The following FLG variants were observed in gnomAD, a reference collection of about 807,000 sequenced individuals.
FLG encodes filaggrin, also known as epidermal filaggrin.
Under a neutral mutation model 3.8 loss-of-function variants are expected in FLG, and 6 were observed. The observed-to-expected ratio is 1.60, with a 90% CI of 0.87 to 3.15. The LOEUF (loss-of-function observed/expected upper bound fraction) is 3.15, where lower values mean the gene tolerates loss of function less well. Among genes scored for constraint, FLG ranks in the 30% most tolerant of loss-of-function variants. The pLI is 0.00. For missense variants in FLG, 7,595 were observed against 5,050.9 expected (o/e 1.50, Z -15.27); for synonymous variants, 2,551 against 1,931.6 (o/e 1.32, Z -8.41).
At position 152,307,166 on chromosome 1, in the gene FLG, G is replaced by C. The variant is rs149024902; in HGVS notation, c.7720C>G (p.Gln2574Glu). The change falls in exon 3 of 3, where the codon CAG becomes GAG. Residue 2574 changes from glutamine to glutamate, a missense_variant. Physicochemically the swap from Gln to Glu is conservative, Grantham distance 29. Transcript: ENST00000368799. ...CTCTCAGAGTCTTCTGAGTGTCCCTGACTGTCACTGTCCTGGCTAAAACTG... is the reference window on the plus strand; with the variant it reads ...CTCTCAGAGTCTTCTGAGTGTCCCTCACTGTCACTGTCCTGGCTAAAACTG... ...GSSFSQDSDS[Q>E]GHSEDSERWS... 0.022 allele frequency: 36,018 copies of C among 1,611,088 alleles called. 601 individuals are homozygous for C. Among genetic ancestry groups the C allele is most frequent in the Non-Finnish European group, 0.025 (29,421 of 1,179,566 alleles).
rs770970441 is a variant in FLG at position 152,305,992 on chromosome 1, G to T, written c.8894C>A (p.Ser2965Ter). The T allele has an allele frequency of 3.2e-6, 5 of 1,576,560 alleles. No individual in the cohort carries two copies. Among genetic ancestry groups the T allele is most frequent in the Non-Finnish European group, 4.3e-6 (5 of 1,168,028 alleles). Residue 2965 changes from serine (S) to a stop codon, truncating the protein, a stop_gained, in exon 3 of 3, where the codon TCA (serine) becomes TAA (stop). Transcript: ENST00000368799. LOFTEE classifies it low-confidence loss of function (END_TRUNC). ...ACTTGATCTTGCCTGTTCATGGGAT[G>T]ATGCAGCCTGTCCACCAGAGGAAGT... ...TQTSSGGQAA[S>*]SHEQARSSAG...
intron 1 of FLG, among the ~76,000 whole-genome samples, chr1:152,323,660 G>A (rs1393125754): frequency 1.3e-5 from 2 of 151,062 alleles, no homozygotes; most frequent in Admixed American, 1.3e-4. Flanking sequence ...ATATTGGTGA[G>A]AATGTGGAGA....
chr1:152,312,498 C>G lies in FLG; in HGVS notation c.2388G>C (p.Gln796His), dbSNP rs760527887. The change falls in exon 3 of 3, where the codon CAG becomes CAC. Residue 796 changes from glutamine (Q) to histidine (H), a missense_variant. Physicochemically the swap from Gln to His is conservative, Grantham distance 24. Coordinates refer to ENST00000368799, the MANE Select transcript of FLG (RefSeq NM_002016.2). ...RSRRSGSFLY[Q>H]VSTHKQSESS... Reference sequence around the variant, plus strand: ...ACTCAGACTGTTTATGAGTGCTCACCTGGTAGAGGAAAGACCCTGAACGTC... The same window carrying G: ...ACTCAGACTGTTTATGAGTGCTCACGTGGTAGAGGAAAGACCCTGAACGTC... The G allele has an allele frequency of 8.1e-6, 13 of 1,613,424 alleles. No individual in the cohort carries two copies. Among genetic ancestry groups the G allele is most frequent in the Non-Finnish European group, 1.1e-5 (13 of 1,179,656 alleles).
chr1:152,318,535 G>A (rs987470075), intron 1 of FLG, among the ~76,000 whole-genome samples: 3 of 151,690 alleles, frequency 2.0e-5, no homozygotes, highest in Admixed American at 2.0e-4. Context: ...CAAAAGGTTG[G>A]AAATATCTGT....
chr1:152,323,487 G>T (rs1358006440), intron 1 of FLG, among the ~76,000 whole-genome samples: 1 of 151,450 alleles, frequency 6.6e-6, no homozygotes, highest in Non-Finnish European at 1.5e-5. Flanking sequence ...AATACCTTAG[G>T]AACGTTACAG....
chr1:152,307,946 G>A lies in FLG; in HGVS notation c.6940C>T (p.Gln2314Ter), dbSNP rs762689918. 10 of 1,613,988 alleles carry A rather than the reference G, an allele frequency of 6.2e-6. No homozygotes were observed. In the South Asian group the frequency reaches 9.9e-5, roughly 16 times the overall value. Residue 2314 changes from glutamine (Q) to a stop codon, truncating the protein, a stop_gained, in exon 3 of 3, where the codon CAG becomes TAG. Transcript: ENST00000368799. LOFTEE classifies it low-confidence loss of function (END_TRUNC). ...THHAENSSGGQAASSHEQARS... is the reference protein window; with the variant it reads ...THHAENSSGG ...GCCTGTTCATGGGATGATGCAGCCTGTCCACCAGAGGAATTCTCTGCATGA... is the reference window on the plus strand; with the variant it reads ...GCCTGTTCATGGGATGATGCAGCCTATCCACCAGAGGAATTCTCTGCATGA...
chr1:152,308,952 G>A lies in FLG; in HGVS notation c.5934C>T (p.Gly1978=). The A allele has an allele frequency of 1.2e-6, 2 of 1,614,188 alleles. No individual in the cohort carries two copies. Among genetic ancestry groups the A allele is most frequent in the East Asian group, 2.2e-5 (1 of 44,884 alleles). Reference sequence around the variant, plus strand: ...GAGAGGAAGACTCTGTGTGACGAGTGCCTGATTGTCTGGAGCTGTCTGCAG... The same window carrying A: ...GAGAGGAAGACTCTGTGTGACGAGTACCTGATTGTCTGGAGCTGTCTGCAG... ...GHSADSSRQS[G]TRHTESSSRG... is the part of the protein sequence containing the mutation. Residue 1978 remains glycine, a synonymous_variant, in exon 3 of 3, where the codon GGC becomes GGT. Coordinates refer to ENST00000368799, the MANE Select transcript of FLG (RefSeq NM_002016.2).
Position 152,307,727 on chromosome 1 carries a change from C to G in FLG, c.7159G>C (p.Gly2387Arg), listed in dbSNP as rs775764952. The stretch of plus-strand genomic sequence containing the variant: ...CTCTGCTGATGGGGCCCAGCCTGTC[C>G]GTGGGCTGACACTGACTGTGTGTCT... ...DSDTQSVSAH[G>R]QAGPHQQSHQ... The change falls in exon 3 of 3, where the codon GGA becomes CGA. Residue 2387 changes from glycine (G) to arginine (R), a missense_variant. Gly to Arg is a moderately radical substitution (Grantham distance 125, BLOSUM62 -2). Coordinates refer to ENST00000368799, the MANE Select transcript of FLG (RefSeq NM_002016.2). 6.2e-7 allele frequency: 1 copy of G among 1,613,276 alleles called. No individual in the cohort carries two copies. The highest frequency in any genetic ancestry group is 8.5e-7 in the Non-Finnish European group (1 of 1,179,868).
rs1009834087 is a variant in FLG, at chr1:152,302,520, C to T, written c.*180G>A. 11 of 734,974 alleles carry T rather than the reference C, an allele frequency of 1.5e-5. No homozygotes were observed. Among genetic ancestry groups the T allele is most frequent in the Admixed American group, 5.9e-5 (2 of 33,646 alleles). The allele number at this position is 734,974 out of a possible 1,614,324, so 45.5% of individuals were successfully genotyped here. ...TCCATTTAATATTTCTGAAATATAG[C>T]GTTTAAAGATCATTACACAATAAAA... On this transcript the variant is annotated 3_prime_UTR_variant, in exon 3 of 3. Coordinates refer to ENST00000368799, the MANE Select transcript of FLG (RefSeq NM_002016.2).
At chr1:152,323,820 G>T (rs760827911) in intron 1 of FLG, among the ~76,000 whole-genome samples, 2 of 151,506 alleles carry the variant, frequency 1.3e-5, no homozygotes, top group Non-Finnish European at 3.0e-5. Context: ...ACCAAAAGTA[G>T]TACACAAAAA....
Position 152,304,347 on chromosome 1 carries a change from C to T in FLG, c.10539G>A (p.Ala3513=), listed in dbSNP as rs531858654. ...WSHHHEASTQ[A]DSSRHSQSGQ... Reference sequence around the variant, plus strand: ...CGGACTGTGAGTGTCTAGAGCTGTCCGCCTGAGTGGAAGCTTCATGGTGAT... The same window carrying T: ...CGGACTGTGAGTGTCTAGAGCTGTCTGCCTGAGTGGAAGCTTCATGGTGAT... The change falls in exon 3 of 3, where the codon GCG becomes GCA. Residue 3513 remains alanine, a synonymous_variant. Transcript: ENST00000368799. 37 of 1,610,836 alleles carry T rather than the reference C, an allele frequency of 2.3e-5. 1 individual carries two copies. Among genetic ancestry groups the T allele is most frequent in the Non-Finnish European group, 2.7e-5 (32 of 1,178,686 alleles).
At position 152,304,669 on chromosome 1, in the gene FLG, C is replaced by A. The variant is rs1364746842; in HGVS notation, c.10217G>T (p.Ser3406Ile). ...GTGGGATCCTTGTCTTCGTCCAGTG[C>A]TGGTCCTGGTCCGCCCATGGGCAGA... Reference protein sequence around the residue: ...SESAHGRTRTSTGRRQGSHHE... With the variant: ...SESAHGRTRTITGRRQGSHHE... The change falls in exon 3 of 3, where the codon AGC becomes ATC. Residue 3406 changes from serine (S) to isoleucine (I), a missense_variant. Physicochemically the swap from Ser to Ile is moderately radical, Grantham distance 142 (BLOSUM62 -2). Coordinates refer to ENST00000368799, the MANE Select transcript of FLG (RefSeq NM_002016.2). 6.2e-7 allele frequency: 1 copy of A among 1,612,102 alleles called. No individual in the cohort carries two copies. The highest frequency in any genetic ancestry group is 8.5e-7 in the Non-Finnish European group (1 of 1,179,098).
chr1:152,308,912 A>T lies in FLG; in HGVS notation c.5974T>A (p.Ser1992Thr), dbSNP rs1652179399. Reference sequence around the variant, plus strand: ...CTTGATCTTGCCTGTTCATGGGATGACGCAGCCTGTCCACGAGAGGAAGAC... The same window carrying T: ...CTTGATCTTGCCTGTTCATGGGATGTCGCAGCCTGTCCACGAGAGGAAGAC... The part of the protein sequence containing the change: ...TESSSRGQAA[S>T]SHEQARSSAG... Residue 1992 changes from serine to threonine, a missense_variant, in exon 3 of 3, where the codon TCA becomes ACA. Coordinates refer to ENST00000368799, the MANE Select transcript of FLG (RefSeq NM_002016.2). 5 of 1,614,036 alleles carry T rather than the reference A, an allele frequency of 3.1e-6. No homozygotes were observed. The highest frequency in any genetic ancestry group is 2.7e-5 in the African/African-American group (2 of 75,022).
At position 152,309,297 on chromosome 1, in the gene FLG, A is replaced by C; in HGVS notation, c.5589T>G (p.Ser1863Arg). 1.2e-6 allele frequency: 2 copies of C among 1,613,742 alleles called. No individual in the cohort carries two copies. The highest frequency in any genetic ancestry group is 1.7e-6 in the Non-Finnish European group (2 of 1,179,978). ...TCTCATTACGTGTTTGTCTGCTGACACTTCTGGATCCTGACTGCCCACGGG... is the reference window on the plus strand; with the variant it reads ...TCTCATTACGTGTTTGTCTGCTGACCCTTCTGGATCCTGACTGCCCACGGG... ...DVSRGQSGSR[S>R]VSRQTRNEKQ... The change falls in exon 3 of 3, where the codon AGT becomes AGG. Residue 1863 changes from serine (S) to arginine (R), a missense_variant. By Grantham distance (110) the Ser-to-Arg change is moderately radical. Transcript: ENST00000368799.
Position 152,309,072 on chromosome 1 carries a change from A to G in FLG, c.5814T>C (p.Ala1938=), listed in dbSNP as rs750717434. Residue 1938 remains alanine, a synonymous_variant, in exon 3 of 3, where the codon GCT becomes GCC. Coordinates refer to ENST00000368799, the MANE Select transcript of FLG (RefSeq NM_002016.2). ...SEDSERWSGS[A]SRNHLGSAWE... Reference sequence around the variant, plus strand: ...AAGCAGATCCAAGATGGTTTCTGGAAGCAGACCCAGACCACCTCTCAGAGT... The same window carrying G: ...AAGCAGATCCAAGATGGTTTCTGGAGGCAGACCCAGACCACCTCTCAGAGT... The G allele has an allele frequency of 1.2e-6, 2 of 1,613,974 alleles. No homozygotes were observed. Among genetic ancestry groups the G allele is most frequent in the Non-Finnish European group, 1.7e-6 (2 of 1,179,998 alleles).
Position 152,307,081 on chromosome 1 carries a change from C to G in FLG, c.7805G>C (p.Gly2602Ala), listed in dbSNP as rs746906147. 5.0e-5 allele frequency: 81 copies of G among 1,609,792 alleles called. No individual in the cohort carries two copies. The highest frequency in any genetic ancestry group is 6.9e-5 in the Non-Finnish European group (81 of 1,179,570). Residue 2602 changes from glycine to alanine, a missense_variant, in exon 3 of 3, where the codon GGC (glycine) becomes GCC (alanine). Coordinates refer to ENST00000368799, the MANE Select transcript of FLG (RefSeq NM_002016.2). ...HGSAQEQLRDGSRHPRSHQED... is the reference protein window; with the variant it reads ...HGSAQEQLRDASRHPRSHQED... ...TTGATGGGACCTGGGGTGTCTGGAG[C>G]CATCTCTTAGCTGCTCCTGAGCAGA... is the stretch of plus-strand genomic sequence containing the variant.
Position 152,309,739 on chromosome 1 carries a change from C to A in FLG, c.5147G>T (p.Gly1716Val), listed in dbSNP as rs776208400. Residue 1716 changes from glycine (G) to valine (V), a missense_variant, in exon 3 of 3, where the codon GGT (glycine) becomes GTT (valine). By Grantham distance (109) the Gly-to-Val change is moderately radical (BLOSUM62 -3). Transcript: ENST00000368799. Reference protein sequence around the residue: ...VGDSGNRGSSGSQASDSEGHS... With the variant: ...VGDSGNRGSSVSQASDSEGHS... ...TCCCTCGCTGTCACTGGCCTGGCTA[C>A]CACTGGACCCTCGGTTTCCACTGTC... 1.9e-6 allele frequency: 3 copies of A among 1,613,830 alleles called. No homozygotes were observed. The highest frequency in any genetic ancestry group is 2.2e-5 in the South Asian group (2 of 91,060).
At position 152,304,644 on chromosome 1, in the gene FLG, G is replaced by A. The variant is rs150213256; in HGVS notation, c.10242C>T (p.His3414=). 1.2e-6 allele frequency: 2 copies of A among 1,612,376 alleles called. No homozygotes were observed. Among genetic ancestry groups the A allele is most frequent in the Non-Finnish European group, 1.7e-6 (2 of 1,179,412 alleles). The change falls in exon 3 of 3, where the codon CAC becomes CAT. Residue 3414 remains histidine, a synonymous_variant. Coordinates refer to ENST00000368799, the MANE Select transcript of FLG (RefSeq NM_002016.2). Reference sequence around the variant, plus strand: ...TGGAGCTGTCTCGTGCCTGCTCGTGGTGGGATCCTTGTCTTCGTCCAGTGC... The same window carrying A: ...TGGAGCTGTCTCGTGCCTGCTCGTGATGGGATCCTTGTCTTCGTCCAGTGC... ...RTSTGRRQGS[H]HEQARDSSRH...
intron 1 of FLG, among the ~76,000 whole-genome samples, chr1:152,317,100 C>T (rs1178828295): frequency 6.6e-6 from 1 of 152,104 alleles, no homozygotes. Flanking sequence ...CACTGAGCCC[C>T]ACTCTCTCTT....
Sources: allele counts gnomAD v4.1 joint callset (sites outside exome capture counted in the v4.1 genomes callset), GRCh38; gene constraint gnomAD v4.1.1; transcripts MANE v1.5; gene names NCBI Gene and HGNC (gene_info 2026-07-23, HGNC 2026-07-21).